The following MCPH1 variants were observed in gnomAD, a reference collection of about 807,000 sequenced individuals.
MCPH1 encodes the protein microcephalin.
MCPH1 carries 104 observed loss-of-function variants against 84.5 expected under a neutral mutation model. The ratio of observed to expected loss-of-function variants is 1.23; its 90% confidence interval spans 1.05 to 1.45. The LOEUF (loss-of-function observed/expected upper bound fraction) is 1.45. Ranked by LOEUF, MCPH1 falls within the 40% of genes most tolerant of loss-of-function variation. MCPH1 has a pLI of 0.00. For synonymous variants in MCPH1, 514 were observed against 366.8 expected (o/e 1.40, Z -4.58); for missense variants, 1,498 against 1,005.7 (o/e 1.49, Z -6.62).
chr8:6,409,851 A>C (rs1242350153), intron 2 of MCPH1, among the ~76,000 whole-genome samples: 2 of 152,148 alleles, frequency 1.3e-5, no homozygotes, highest in Non-Finnish European at 2.9e-5. Flanking sequence ...TAGGATGAAG[A>C]GTGGTGACAG....
At chr8:6,450,506 C>T (rs1804971691) in intron 8 of MCPH1, among the ~76,000 whole-genome samples, 1 of 149,188 alleles carries the variant, frequency 6.7e-6, no homozygotes, top group African/African-American at 2.5e-5. Context: ...ATACCAGCCA[C>T]AACTCATACT....
In MCPH1 at chr8:6,445,126, CAG is replaced by C; in HGVS notation, c.1406_1407del (p.Arg469AsnfsTer3). ...ATTTTTCCTGCGTTGGCAAAAAAAC[CAG>C]AACAGTTGACATTACCAATTTCACA... Reference protein sequence around the residue: ...SDFSCVGKKTRTVDITNFTAK... With the variant: ...SDFSCVGKKTXTVDITNFTAK... On this transcript the variant is annotated frameshift_variant, in exon 8 of 14. Transcript: ENST00000344683. LOFTEE classifies it high-confidence loss of function. The C allele has an allele frequency of 1.9e-6, 3 of 1,614,194 alleles. No homozygotes were observed. The highest frequency in any genetic ancestry group is 2.5e-6 in the Non-Finnish European group (3 of 1,180,030).
At chr8:6,534,748 G>C (rs2515483) in intron 12 of MCPH1, among the ~76,000 whole-genome samples, 57,081 of 152,096 alleles carry the variant, frequency 0.38, 10,946 homozygotes, top group Non-Finnish European at 0.4. Flanking sequence ...CTTACTAACC[G>C]TTTCTCAGAG....
intron 3 of MCPH1, among the ~76,000 whole-genome samples, chr8:6,429,190 A>G (rs188889375): frequency 6.6e-6 from 1 of 152,302 alleles, no homozygotes; most frequent in African/African-American, 2.4e-5. Flanking sequence ...TCTCAGAGTG[A>G]ACCATGAATA....
chr8:6,507,126 G>C (rs1395783124), intron 12 of MCPH1, among the ~76,000 whole-genome samples: 2 of 152,210 alleles, frequency 1.3e-5, no homozygotes, highest in East Asian at 3.9e-4. Context: ...TCAAACTCCT[G>C]ACCTCAGGTG....
chr8:6,426,105 C>T (rs1389481928), intron 3 of MCPH1, among the ~76,000 whole-genome samples: 1 of 152,230 alleles, frequency 6.6e-6, no homozygotes, highest in Non-Finnish European at 1.5e-5. Context: ...TTCCACCCGC[C>T]TCCCTTTCCC....
rs773570261 is a variant in MCPH1, at chr8:6,431,531, C to T, written c.266C>T (p.Ser89Leu). Residue 89 changes from serine (S) to leucine (L), a missense_variant, in exon 4 of 14, where the codon TCA (serine) becomes TTA (leucine). Ser to Leu is a moderately radical substitution (Grantham distance 145). Transcript: ENST00000344683. The stretch of plus-strand genomic sequence containing the variant: ...ACAGCTGGAGCACACATTGATGAAT[C>T]ATTGTTCCCTGCAGCTAATATGAAT... ...CRTAGAHIDE[S>L]LFPAANMNEH... 9 of 1,613,268 alleles carry T rather than the reference C, an allele frequency of 5.6e-6. No homozygotes were observed. In the Admixed American group the frequency reaches 1.2e-4, roughly 21 times the overall value.
intron 9 of MCPH1, among the ~76,000 whole-genome samples, chr8:6,455,932 T>C (rs1239577209): frequency 6.6e-6 from 1 of 152,084 alleles, no homozygotes; most frequent in Non-Finnish European, 1.5e-5. Flanking sequence ...AAGCAACAGA[T>C]GAAAAGAATG....
intron 8 of MCPH1, among the ~76,000 whole-genome samples, chr8:6,449,233 C>T (rs1037525012): frequency 6.6e-6 from 1 of 152,198 alleles, no homozygotes; most frequent in Non-Finnish European, 1.5e-5. Context: ...CTCTTAGATT[C>T]TTCTCTCGAT....
In MCPH1 at chr8:6,644,698, A is replaced by C. The variant is rs912469300; in HGVS notation, c.*1649A>C. 3 of 152,214 alleles carry C rather than the reference A, an allele frequency of 2.0e-5. No homozygotes were observed. Among genetic ancestry groups the C allele is most frequent in the African/African-American group, 7.2e-5 (3 of 41,438 alleles). The allele number at this position is 152,214 out of a possible 1,614,324, so 9.4% of individuals were successfully genotyped here. On this transcript the variant is annotated 3_prime_UTR_variant, in exon 14 of 14. Coordinates refer to ENST00000344683, the MANE Select transcript of MCPH1 (RefSeq NM_024596.5). ...GAGTCCCAGCGAGGTCGGAGGTGCC[A>C]CTGAGCCCTCATCGTGGTGCCGTTC... is the stretch of plus-strand genomic sequence containing the variant.
intron 3 of MCPH1, among the ~76,000 whole-genome samples, chr8:6,424,250 G>C (rs572767631): frequency 1.3e-5 from 2 of 152,334 alleles, no homozygotes; most frequent in East Asian, 3.9e-4. Context: ...CCCACTCTAA[G>C]TTCTGTTGAA....
chr8:6,631,180 A>C (rs1245234227), intron 13 of MCPH1, among the ~76,000 whole-genome samples: 1 of 152,248 alleles, frequency 6.6e-6, no homozygotes, highest in East Asian at 1.9e-4. Flanking sequence ...GGAGCAGACC[A>C]GACATGATCT....
rs555185949 is a variant in MCPH1, at chr8:6,464,999, G to GAA, written c.1935+9759_1935+9760dup. On this transcript the variant is annotated intron_variant, in intron 9 of 13. Coordinates refer to ENST00000344683, the MANE Select transcript of MCPH1 (RefSeq NM_024596.5). ...GGGCAACAGAGAAGATTCCATCTCA[G>GAA]AAAAAAAAAAAAAGAAAAATTCTGC... is the stretch of plus-strand genomic sequence containing the variant. Among the ~76,000 whole-genome samples, 47 of 138,330 alleles carry GAA rather than the reference G, an allele frequency of 3.4e-4. 2 individuals are homozygous for GAA. Among genetic ancestry groups the GAA allele is most frequent in the African/African-American group, 1.2e-3 (47 of 38,050 alleles). The allele number at this position is 138,330 out of a possible 152,430, so 90.7% of individuals were successfully genotyped here. A position where few individuals can be genotyped will look rare whatever the true frequency, so the allele number is the denominator to read the frequency against.
intron 11 of MCPH1, among the ~76,000 whole-genome samples, chr8:6,484,086 C>T (rs551863924): frequency 1.3e-5 from 2 of 152,114 alleles, no homozygotes; most frequent in South Asian, 4.2e-4. Flanking sequence ...TAGATTTCAT[C>T]AAAATTGAAA....
In MCPH1 at chr8:6,511,279, G is replaced by A. The variant is rs117976249; in HGVS notation, c.2214+11350G>A. 1.0e-3 allele frequency among the ~76,000 whole-genome samples: 140 copies of A among 138,704 alleles called. No homozygotes were observed. In the East Asian group the frequency reaches 0.027, roughly 27 times the overall value. The allele number at this position is 138,704 out of a possible 152,430, so 91.0% of individuals were successfully genotyped here. The stretch of plus-strand genomic sequence containing the variant: ...ACGTTCTTGAAGTTGCTTTACATTG[G>A]TATGGGTTGATTTTTTTTTTTCAAT... On this transcript the variant is annotated intron_variant, in intron 12 of 13. Coordinates refer to ENST00000344683, the MANE Select transcript of MCPH1 (RefSeq NM_024596.5).
chr8:6,417,592 C>T (rs1227282235), intron 3 of MCPH1, among the ~76,000 whole-genome samples: 2 of 152,060 alleles, frequency 1.3e-5, no homozygotes, highest in East Asian at 3.9e-4. Flanking sequence ...CATTCTGCTA[C>T]TTAGTACCTT....
chr8:6,642,237 A>C (rs924593011), intron 13 of MCPH1, among the ~76,000 whole-genome samples: 1 of 152,124 alleles, frequency 6.6e-6, no homozygotes, highest in African/African-American at 2.4e-5. Context: ...TTATCATCCA[A>C]TCGGTGCTGA....
intron 13 of MCPH1, chr8:6,627,194 C>T (rs1796798657): frequency 1.0e-6 from 1 of 985,304 alleles, no homozygotes; most frequent in African/African-American, 1.7e-5. Flanking sequence ...CGGGAGGCCT[C>T]AGGCCTTCGG....
At chr8:6,416,295 CAT>C (rs1799289890) in intron 3 of MCPH1, among the ~76,000 whole-genome samples, 1 of 151,594 alleles carries the variant, frequency 6.6e-6, no homozygotes, top group African/African-American at 2.4e-5. Flanking sequence ...CATGTCATGT[CAT>C]GTCATGTCAT....
Sources: gnomAD v4.1 joint callset for allele counts (sites outside exome capture counted in the v4.1 genomes callset) on GRCh38, gnomAD v4.1.1 for gene constraint, MANE v1.5 for transcripts, NCBI Gene and HGNC (gene_info 2026-07-23, HGNC 2026-07-21) for gene names.